PCDH15: variants seen among roughly 807,000 people sequenced by gnomAD.
PCDH15 encodes the protein protocadherin related 15, also known as protocadherin-15.
In PCDH15, 129 loss-of-function variants were observed where a neutral mutation model predicts 178.5. The ratio of observed to expected loss-of-function variants is 0.72; its 90% CI spans 0.63 to 0.84. PCDH15 has a LOEUF of 0.84. PCDH15 is among the 40% of genes least tolerant of loss of function. The pLI is 0.00. For synonymous variants in PCDH15, 800 were observed against 732.0 expected (o/e 1.09, Z -1.50); for missense variants, 2,230 against 2,099.9 (o/e 1.06, Z -1.21).
At chr10:55,492,033 C>A (rs1364823133) in intron 2 of PCDH15, among the ~76,000 whole-genome samples, 1 of 151,586 alleles carries the variant, frequency 6.6e-6, no homozygotes, top group Non-Finnish European at 1.5e-5. Flanking sequence ...TACTTCTGAC[C>A]ACAAACTGAT....
At chr10:55,075,075 T>A (rs1779254) in intron 2 of PCDH15, among the ~76,000 whole-genome samples, 75,986 of 151,952 alleles carry the variant, frequency 0.5, 19,661 homozygotes, top group East Asian at 0.74. Flanking sequence ...TTGGTCTATG[T>A]GTCTGTTTTT....
intron 2 of PCDH15, among the ~76,000 whole-genome samples, chr10:54,998,573 T>C (rs1012520363): frequency 2.6e-5 from 4 of 152,144 alleles, no homozygotes; most frequent in Non-Finnish European, 5.9e-5. Flanking sequence ...ATTTGACTAA[T>C]TAACATTGTT....
intron 28 of PCDH15, among the ~76,000 whole-genome samples, chr10:53,853,552 A>G (rs1385019265): frequency 1.3e-5 from 2 of 152,068 alleles, no homozygotes; most frequent in Non-Finnish European, 2.9e-5. Flanking sequence ...ATATCTAAAC[A>G]ACTCCTACAA....
chr10:54,094,886 A>G (rs191672969), intron 15 of PCDH15, among the ~76,000 whole-genome samples: 511 of 152,310 alleles, frequency 3.4e-3, no homozygotes, highest in Non-Finnish European at 5.9e-3. Context: ...AGAAGCACCA[A>G]TAGGGAAACA....
At chr10:53,878,181 GCACACACACA>G (rs71004486) in intron 26 of PCDH15, among the ~76,000 whole-genome samples, 2,479 of 124,890 alleles carry the variant, frequency 0.02, 91 homozygotes, top group African/African-American at 0.073. Flanking sequence ...CTATACTATG[GCACACACACA>G]CACACACACA....
At chr10:54,221,105 G>A (rs2052758078) in intron 9 of PCDH15, among the ~76,000 whole-genome samples, 1 of 151,986 alleles carries the variant, frequency 6.6e-6, no homozygotes, top group Non-Finnish European at 1.5e-5. Flanking sequence ...TTTAGAAACA[G>A]CTTTGATTGC....
intron 17 of PCDH15, among the ~76,000 whole-genome samples, chr10:54,075,685 G>A (rs757476112): frequency 1.3e-5 from 2 of 152,116 alleles, no homozygotes; most frequent in African/African-American, 2.4e-5. Flanking sequence ...TGCATATGAT[G>A]TTAGATAAGG....
intron 13 of PCDH15, among the ~76,000 whole-genome samples, chr10:54,157,865 A>G (rs1280726478): frequency 6.6e-6 from 1 of 152,310 alleles, no homozygotes; most frequent in Middle Eastern, 3.4e-3. Context: ...AAGTTCCACA[A>G]ATCTCTAGAG....
intron 14 of PCDH15, among the ~76,000 whole-genome samples, chr10:54,147,599 C>G (rs956270720): frequency 4.0e-5 from 6 of 151,484 alleles, no homozygotes; most frequent in African/African-American, 1.5e-4. Context: ...ATAGATCAGA[C>G]CAGATTTATT....
At chr10:55,120,807 A>G (rs1220806675) in intron 2 of PCDH15, among the ~76,000 whole-genome samples, 1 of 152,186 alleles carries the variant, frequency 6.6e-6, no homozygotes, top group Non-Finnish European at 1.5e-5. Context: ...ACTTGCCAGA[A>G]AGCAGAATTA....
intron 3 of PCDH15, among the ~76,000 whole-genome samples, chr10:54,498,247 A>T (rs753982697): frequency 6.6e-6 from 1 of 152,158 alleles, no homozygotes; most frequent in Non-Finnish European, 1.5e-5. Flanking sequence ...TTTTTCAAAT[A>T]AACAAATGTT....
chr10:55,063,554 T>C (rs1280082115), intron 2 of PCDH15, among the ~76,000 whole-genome samples: 2 of 152,130 alleles, frequency 1.3e-5, no homozygotes, highest in Non-Finnish European at 2.9e-5. Context: ...TCTGTATACA[T>C]GGGGAGAATT....
Position 55,554,615 on chromosome 10 carries a change from T to TG in PCDH15, c.-156+73009dup, listed in dbSNP as rs370213507. Among the ~76,000 whole-genome samples, 790 of 152,010 alleles carry TG rather than the reference T, an allele frequency of 5.2e-3. 7 individuals are homozygous for TG. The highest frequency in any genetic ancestry group is 0.018 in the African/African-American group (764 of 41,492). On this transcript the variant is annotated intron_variant, in intron 2 of 5. Coordinates refer to the PCDH15 transcript ENST00000613346. Reference sequence around the variant, plus strand: ...TTGTGGGATGCAAAACCCACACATATGGGGGGCCAAATATTCCTATATGTT... The same window carrying TG: ...TTGTGGGATGCAAAACCCACACATATGGGGGGGCCAAATATTCCTATATGTT...
intron 8 of PCDH15, among the ~76,000 whole-genome samples, chr10:54,277,247 C>A (rs1005903371): frequency 6.6e-6 from 1 of 151,584 alleles, no homozygotes; most frequent in East Asian, 1.9e-4. Flanking sequence ...GATAACCTAG[C>A]ATACGCTGAC....
chr10:54,658,770 G>A (rs2094447211), intron 2 of PCDH15, among the ~76,000 whole-genome samples: 1 of 152,046 alleles, frequency 6.6e-6, no homozygotes, highest in Non-Finnish European at 1.5e-5. Context: ...CAATATGACA[G>A]GAATAAAACC....
chr10:55,023,652 AT>A (rs931499582), intron 2 of PCDH15, among the ~76,000 whole-genome samples: 1 of 152,066 alleles, frequency 6.6e-6, no homozygotes, highest in Admixed American at 6.6e-5. Context: ...TGGCAGACCT[AT>A]TTGTTTCCTG....
chr10:54,314,612 T>G (rs1319094106), intron 8 of PCDH15, among the ~76,000 whole-genome samples: 1 of 152,042 alleles, frequency 6.6e-6, no homozygotes, highest in Non-Finnish European at 1.5e-5. Context: ...GGGAGGTTGT[T>G]GTATAGATTA....
intron 2 of PCDH15, among the ~76,000 whole-genome samples, chr10:55,105,700 A>T (rs78736804): frequency 0.041 from 6,168 of 152,172 alleles, 297 homozygotes; most frequent in East Asian, 0.14. Flanking sequence ...CAAAATGTCC[A>T]TTGCTTTATT....
At chr10:54,773,045 A>G (rs1467185393) in intron 1 of PCDH15, among the ~76,000 whole-genome samples, 1 of 152,034 alleles carries the variant, frequency 6.6e-6, no homozygotes, top group East Asian at 1.9e-4. Context: ...GTGGGAGCTG[A>G]ATTATGAGAA....
Sources: gnomAD v4.1 joint callset for allele counts (sites outside exome capture counted in the v4.1 genomes callset) on GRCh38, gnomAD v4.1.1 for gene constraint, MANE v1.5 for transcripts, NCBI Gene and HGNC (gene_info 2026-07-23, HGNC 2026-07-21) for gene names.